The following DGKH variants were observed in gnomAD, a reference collection of about 807,000 sequenced individuals.
DGKH encodes diacylglycerol kinase eta, also known as DAG kinase eta.
A neutral mutation model predicts 159.3 loss-of-function variants in DGKH; 90 were observed. That is an observed-to-expected ratio of 0.57 (90% CI 0.48 to 0.67). DGKH has a LOEUF of 0.67. DGKH is among the 30% of genes least tolerant of loss of function. DGKH has a pLI of 0.00. For missense variants in DGKH, 1,181 were observed against 1,506.1 expected (o/e 0.78, Z 3.57); for synonymous variants, 536 against 553.8 (o/e 0.97, Z 0.45).
Position 42,238,056 on chromosome 13 carries a change from C to G in DGKH, c.*8868C>G, listed in dbSNP as rs1369975632. On this transcript the variant is annotated 3_prime_UTR_variant, in exon 30 of 30. Coordinates refer to ENST00000337343, the MANE Select transcript of DGKH (RefSeq NM_178009.5). ...TGACTTTGGCATTGGCTCATTGTGT[C>G]CTTTCTACAAGTTATGTTTTGGTGA... 6.6e-6 allele frequency: 1 copy of G among 152,146 alleles called. No homozygotes were observed. The highest frequency in any genetic ancestry group is 2.4e-5 in the African/African-American group (1 of 41,432). The allele number at this position is 152,146 out of a possible 1,614,324, so 9.4% of individuals were successfully genotyped here.
At chr13:42,085,927 G>GT (rs36114366) in intron 1 of DGKH, among the ~76,000 whole-genome samples, 2,396 of 147,242 alleles carry the variant, frequency 0.016, 61 homozygotes, top group African/African-American at 0.052. Context: ...ATTAAACTAA[G>GT]TTTTTTTTTT....
chr13:42,154,798 T>A (rs12872074), intron 3 of DGKH, among the ~76,000 whole-genome samples: 18,161 of 151,950 alleles, frequency 0.12, 1,588 homozygotes, highest in East Asian at 0.42. Context: ...CCCAGCACTT[T>A]GGGAGGCCGA....
intron 28 of DGKH, 113 bp downstream of exon 28, chr13:42,219,907 G>GCTCAATTGA (rs1382092946): frequency 1.2e-6 from 1 of 846,342 alleles, no homozygotes; most frequent in Non-Finnish European, 1.9e-6. Flanking sequence ...TGAGCATTGT[G>GCTCAATTGA]CAGTATGATG....
intron 25 of DGKH, among the ~76,000 whole-genome samples, chr13:42,215,157 CGT>C (rs1957756964): frequency 7.4e-6 from 1 of 135,978 alleles, no homozygotes; most frequent in African/African-American, 2.7e-5. Flanking sequence ...AAACTGATAG[CGT>C]TTTTTTTTTT....
intron 1 of DGKH, among the ~76,000 whole-genome samples, chr13:42,058,654 T>G (rs548626680): frequency 9.2e-5 from 14 of 152,344 alleles, no homozygotes; most frequent in Admixed American, 3.3e-4. Context: ...AACTGTGTTT[T>G]TCTATTCTTC....
chr13:42,210,668 C>G lies in DGKH; in HGVS notation c.2917C>G (p.Arg973Gly). 6.2e-7 allele frequency: 1 copy of G among 1,612,098 alleles called. No homozygotes were observed. ...GTGTGATTCTGGTAAACCAGTTCTC[C>G]GAACCCATTTGTACATCCATCACGC... is the stretch of plus-strand genomic sequence containing the variant. The part of the protein sequence containing the change: ...QKCDSGKPVL[R>G]THLYIHHAID... The change falls in exon 24 of 30, where the codon CGA becomes GGA. Residue 973 changes from arginine (R) to glycine (G), a missense_variant. This residue lies in a region of DGKH where 335 missense variants were observed against 495.2 expected (regional missense o/e 0.68). Transcript: ENST00000337343.
At chr13:42,058,648 G>C (rs1881927570) in intron 1 of DGKH, among the ~76,000 whole-genome samples, 2 of 152,214 alleles carry the variant, frequency 1.3e-5, no homozygotes, top group Admixed American at 6.5e-5. Context: ...ACTGATAACT[G>C]TGTTTTTCTA....
At chr13:42,108,320 T>C (rs928626193) in intron 1 of DGKH, among the ~76,000 whole-genome samples, 4 of 152,000 alleles carry the variant, frequency 2.6e-5, no homozygotes, top group Admixed American at 2.6e-4. Context: ...GGAAAATAAA[T>C]TTAAGGGTGA....
chr13:42,214,623 A>C lies in DGKH; in HGVS notation c.3120+11A>C. The C allele has an allele frequency of 6.2e-7, 1 of 1,610,078 alleles. No individual in the cohort carries two copies. Among genetic ancestry groups the C allele is most frequent in the Non-Finnish European group, 8.5e-7 (1 of 1,178,576 alleles). ...CCAAGGTGCCCGGAGGTGAGGATCT[A>C]ATGGTAAATTCTCATTCCACAGATT... On this transcript the variant is annotated intron_variant, in intron 25 of 29. Transcript: ENST00000337343.
intron 21 of DGKH, among the ~76,000 whole-genome samples, chr13:42,207,952 A>G (rs994474323): frequency 6.6e-6 from 1 of 152,026 alleles, no homozygotes; most frequent in Non-Finnish European, 1.5e-5. Context: ...GTCACTATTA[A>G]GTATTTTGAA....
At chr13:42,074,941 A>G (rs899518357) in intron 1 of DGKH, among the ~76,000 whole-genome samples, 1 of 152,208 alleles carries the variant, frequency 6.6e-6, no homozygotes, top group African/African-American at 2.4e-5. Context: ...TTTGTTTCAC[A>G]TGGAGCATGA....
At chr13:42,053,580 A>G (rs987342556) in intron 1 of DGKH, among the ~76,000 whole-genome samples, 7 of 97,364 alleles carry the variant, frequency 7.2e-5, no homozygotes, top group African/African-American at 3.2e-4. Context: ...ATATATGTAT[A>G]TATATAACTA....
chr13:42,051,184 A>T (rs1352019898), intron 1 of DGKH, among the ~76,000 whole-genome samples: 1 of 152,240 alleles, frequency 6.6e-6, no homozygotes, highest in Non-Finnish European at 1.5e-5. Context: ...GCCATGAGAG[A>T]TCATTTTTGA....
intron 1 of DGKH, among the ~76,000 whole-genome samples, chr13:42,052,199 C>G (rs1881374696): frequency 6.6e-6 from 1 of 152,198 alleles, no homozygotes. Context: ...CTTTTGAAAT[C>G]AGTGTGGCTT....
At chr13:42,148,696 T>C (rs1409361580) in intron 3 of DGKH, among the ~76,000 whole-genome samples, 2 of 152,182 alleles carry the variant, frequency 1.3e-5, no homozygotes, top group South Asian at 4.1e-4. Flanking sequence ...ATCTGTACTC[T>C]TTGGTGTGGT....
intron 1 of DGKH, among the ~76,000 whole-genome samples, chr13:42,126,748 C>T (rs537522096): frequency 6.6e-6 from 1 of 152,240 alleles, no homozygotes; most frequent in South Asian, 2.1e-4. Flanking sequence ...CTAAAATGCC[C>T]TTCCCCCATC....
intron 1 of DGKH, among the ~76,000 whole-genome samples, chr13:42,096,415 T>C (rs965898462): frequency 3.3e-5 from 5 of 152,192 alleles, no homozygotes; most frequent in Non-Finnish European, 5.9e-5. Flanking sequence ...GCAAAGGACA[T>C]GATTTCATTC....
intron 17 of DGKH, among the ~76,000 whole-genome samples, chr13:42,197,252 CAA>C (rs71703387): frequency 3.5e-4 from 30 of 86,208 alleles, no homozygotes; most frequent in Admixed American, 5.6e-4. Flanking sequence ...TCTATCTCAA[CAA>C]AAAAAAAAAA....
chr13:42,084,936 T>A (rs1044782520), intron 1 of DGKH, among the ~76,000 whole-genome samples: 2 of 149,918 alleles, frequency 1.3e-5, no homozygotes, highest in South Asian at 2.1e-4. Flanking sequence ...AAAAAAAAAA[T>A]TAATCCTATA....
Sources: gnomAD v4.1 joint callset for allele counts (sites outside exome capture counted in the v4.1 genomes callset) on GRCh38, gnomAD v4.1.1 for gene constraint, gnomAD v4.1.1 regional missense constraint, MANE v1.5 for transcripts, NCBI Gene and HGNC (gene_info 2026-07-23, HGNC 2026-07-21) for gene names.